Variants in TBC1D5 observed in about 807,000 individuals in gnomAD.
TBC1D5 encodes the protein TBC1 domain family member 5, also known as TBC1 domain family, member 5.
Under a neutral mutation model 100.3 loss-of-function variants are expected in TBC1D5, and 75 were observed. The ratio of observed to expected loss-of-function variants is 0.75; its 90% CI spans 0.62 to 0.91. The LOEUF (loss-of-function observed/expected upper bound fraction) is 0.91. Ranked by LOEUF, TBC1D5 falls within the 40% of genes least tolerant of loss-of-function variation. The pLI is 0.00. For missense variants in TBC1D5, 910 were observed against 942.4 expected (o/e 0.97, Z 0.45); for synonymous variants, 323 against 325.6 (o/e 0.99, Z 0.09).
intron 13 of TBC1D5, among the ~76,000 whole-genome samples, chr3:17,341,713 A>G (rs1042729021): frequency 1.3e-5 from 2 of 152,230 alleles, no homozygotes; most frequent in African/African-American, 4.8e-5. Context: ...CATTTAAATG[A>G]TGAGAAGTAG....
chr3:17,633,824 TG>T, intron 1 of TBC1D5, among the ~76,000 whole-genome samples: 1 of 152,342 alleles, frequency 6.6e-6, no homozygotes, highest in African/African-American at 2.4e-5. Flanking sequence ...TTATTAGATA[TG>T]GCCCAACCCT....
chr3:17,698,824 C>T (rs1385547252), intron 1 of TBC1D5, among the ~76,000 whole-genome samples: 1 of 146,930 alleles, frequency 6.8e-6, no homozygotes, highest in African/African-American at 2.5e-5. Flanking sequence ...CAGAGAAATG[C>T]AAATCAAAAC....
chr3:17,728,979 G>A (rs1227424800), intron 1 of TBC1D5, among the ~76,000 whole-genome samples: 3 of 103,374 alleles, frequency 2.9e-5, no homozygotes, highest in Non-Finnish European at 5.6e-5. Flanking sequence ...TAGGCATAGA[G>A]TTAAAGATAC....
intron 2 of TBC1D5, chr3:17,586,656 C>T (rs908070020): frequency 6.6e-6 from 1 of 152,034 alleles, no homozygotes; most frequent in Non-Finnish European, 1.5e-5. Flanking sequence ...TCAAACAATA[C>T]AAAAAGCAGG....
intron 1 of TBC1D5, among the ~76,000 whole-genome samples, chr3:17,642,083 T>C (rs779997931): frequency 1.3e-5 from 2 of 152,190 alleles, no homozygotes; most frequent in Non-Finnish European, 2.9e-5. Flanking sequence ...GAAAATCCTA[T>C]AAAACTACAT....
chr3:17,725,843 T>C (rs1214875568), intron 1 of TBC1D5, among the ~76,000 whole-genome samples: 1 of 152,196 alleles, frequency 6.6e-6, no homozygotes, highest in Non-Finnish European at 1.5e-5. Context: ...TAGGTACTTT[T>C]ATGATCATCT....
Position 17,183,189 on chromosome 3 carries a change from G to A in TBC1D5, c.1852+1920C>T, listed in dbSNP as rs2068640672. On this transcript the variant is annotated intron_variant, in intron 19 of 21. Coordinates refer to ENST00000253692, the Ensembl canonical transcript of TBC1D5. ...GTGCTGGCGCCAGCTTAACCACCTG[G>A]AAGATAAGGCAATGAAGCCACGGAC... is the stretch of plus-strand genomic sequence containing the variant. Among the ~76,000 whole-genome samples, 3 of 152,254 alleles carry A rather than the reference G, an allele frequency of 2.0e-5. No homozygotes were observed. In the South Asian group the frequency reaches 6.2e-4, roughly 32 times the overall value.
chr3:17,536,068 C>A (rs1055890797), intron 2 of TBC1D5, among the ~76,000 whole-genome samples: 3 of 152,058 alleles, frequency 2.0e-5, no homozygotes, highest in African/African-American at 7.2e-5. Context: ...GATTAGGAGA[C>A]AATCTTCAAT....
chr3:17,572,304 T>TA lies in TBC1D5; in HGVS notation c.-36+51544dup, dbSNP rs1018210266. Reference sequence around the variant, plus strand: ...TTTTCATATTTCTTGCATTCTCAGTTAAAAAAAAAAAAGAGCCCTCCTCCT... The same window carrying TA: ...TTTTCATATTTCTTGCATTCTCAGTTAAAAAAAAAAAAAGAGCCCTCCTCCT... On this transcript the variant is annotated intron_variant, in intron 2 of 21. Transcript: ENST00000253692. 5.3e-3 allele frequency among the ~76,000 whole-genome samples: 763 copies of TA among 142,790 alleles called. 1 individual carries two copies. The highest frequency in any genetic ancestry group is 0.012 in the Admixed American group (172 of 14,262). The allele number at this position is 142,790 out of a possible 152,430, so 93.7% of individuals were successfully genotyped here.
Position 17,219,542 on chromosome 3 carries a change from C to T in TBC1D5, c.1589-5172G>A, listed in dbSNP as rs563074736. Among the ~76,000 whole-genome samples the T allele has an allele frequency of 5.3e-5, 8 of 151,536 alleles. No homozygotes were observed. In the East Asian group the frequency reaches 1.5e-3, roughly 29 times the overall value. ...AACTGGACATTTTAATAATATGTGG[C>T]AATTCTGGGAATCAGATCCTATTCC... On this transcript the variant is annotated intron_variant, in intron 17 of 21. Transcript: ENST00000253692.
rs577515708 is a variant in TBC1D5 at position 17,426,163 on chromosome 3, C to A, written c.167+2287G>T. ...TGCAACATTTACATTTCTCTAATAA[C>A]CTATGTCTAGTTAGTTTAAAGAGAT... On this transcript the variant is annotated intron_variant, in intron 4 of 21. Coordinates refer to ENST00000253692, the Ensembl canonical transcript of TBC1D5. Among the ~76,000 whole-genome samples the A allele has an allele frequency of 1.6e-4, 25 of 152,168 alleles. 1 individual carries two copies. In the South Asian group the frequency reaches 5.2e-3, roughly 32 times the overall value.
Position 17,682,922 on chromosome 3 carries a change from G to A in TBC1D5, c.-101+56421C>T, listed in dbSNP as rs1005766938. Among the ~76,000 whole-genome samples the A allele has an allele frequency of 4.0e-5, 6 of 151,394 alleles. No individual in the cohort carries two copies. The East Asian group carries it at 5.8e-4, about 15-fold the overall frequency. On this transcript the variant is annotated intron_variant, in intron 1 of 21. Transcript: ENST00000253692. Reference sequence around the variant, plus strand: ...CCAATATCACCCAAACTCCGTTGCCGTCTAATTCATCTGTTCTCAGAGGTG... The same window carrying A: ...CCAATATCACCCAAACTCCGTTGCCATCTAATTCATCTGTTCTCAGAGGTG...
chr3:17,216,700 T>C (rs1243634193), intron 17 of TBC1D5, among the ~76,000 whole-genome samples: 1 of 152,088 alleles, frequency 6.6e-6, no homozygotes, highest in Non-Finnish European at 1.5e-5. Context: ...ACTCTAGGCC[T>C]TAACTTCCCA....
intron 16 of TBC1D5, among the ~76,000 whole-genome samples, chr3:17,254,391 T>A (rs897322863): frequency 6.6e-6 from 1 of 152,216 alleles, no homozygotes; most frequent in African/African-American, 2.4e-5. Context: ...GTCAATTTTT[T>A]ATTTTATTTT....
chr3:17,635,348 T>C (rs980288489), intron 1 of TBC1D5, among the ~76,000 whole-genome samples: 9 of 152,180 alleles, frequency 5.9e-5, no homozygotes, highest in African/African-American at 1.2e-4. Context: ...AGACATAACA[T>C]TGATGAAATC....
At chr3:17,639,939 C>T (rs554474529) in intron 1 of TBC1D5, among the ~76,000 whole-genome samples, 1 of 152,238 alleles carries the variant, frequency 6.6e-6, no homozygotes, top group Non-Finnish European at 1.5e-5. Flanking sequence ...GACCTGATGT[C>T]GCAACAAGCA....
At chr3:17,582,306 CA>C (rs1576831525) in intron 2 of TBC1D5, among the ~76,000 whole-genome samples, 1 of 152,110 alleles carries the variant, frequency 6.6e-6, no homozygotes, top group East Asian at 1.9e-4. Flanking sequence ...GCAAAGCTTT[CA>C]AAGTTGAGAG....
intron 16 of TBC1D5, among the ~76,000 whole-genome samples, chr3:17,254,766 T>TGGC (rs2077484886): frequency 1.4e-5 from 1 of 73,172 alleles, no homozygotes; most frequent in Non-Finnish European, 2.6e-5. Flanking sequence ...GTGGCGGGGG[T>TGGC]GGGGGGGGGG....
intron 1 of TBC1D5, among the ~76,000 whole-genome samples, chr3:17,731,332 C>G (rs1380923910): frequency 6.6e-5 from 10 of 151,924 alleles, no homozygotes; most frequent in Non-Finnish European, 1.5e-4. Context: ...GAAACCCCAT[C>G]TCTAATAAAA....
Sources: allele counts gnomAD v4.1 joint callset (sites outside exome capture counted in the v4.1 genomes callset), GRCh38; gene constraint gnomAD v4.1.1; transcripts MANE v1.5; gene names NCBI Gene and HGNC (gene_info 2026-07-23, HGNC 2026-07-21).